TRAK1: variants seen among roughly 807,000 people sequenced by gnomAD.
The protein encoded by TRAK1 is trafficking kinesin protein 1.
A neutral mutation model predicts 92.1 loss-of-function variants in TRAK1; 33 were observed. That is an observed-to-expected ratio of 0.36 (90% CI 0.27 to 0.48). TRAK1 has a LOEUF of 0.48. Ranked by LOEUF, TRAK1 falls within the 20% of genes least tolerant of loss-of-function variation. The pLI is 0.99. For synonymous variants in TRAK1, 521 were observed against 517.3 expected (o/e 1.01, Z -0.10); for missense variants, 1,123 against 1,257.9 (o/e 0.89, Z 1.62).
At chr3:42,217,524 T>G (rs1709855678) in intron 14 of TRAK1, 7 of 985,420 alleles carry the variant, frequency 7.1e-6, no homozygotes, top group Non-Finnish European at 8.4e-6. Flanking sequence ...CACTCCCTAT[T>G]GCAATTGAAG....
chr3:42,070,358 G>T (rs1703883928), intron 1 of TRAK1, among the ~76,000 whole-genome samples: 1 of 150,912 alleles, frequency 6.6e-6, no homozygotes, highest in Admixed American at 6.6e-5. Flanking sequence ...TCTCATACTT[G>T]TTTTATTTTT....
chr3:42,071,434 G>A (rs532709182), intron 1 of TRAK1, among the ~76,000 whole-genome samples: 4 of 152,200 alleles, frequency 2.6e-5, no homozygotes, highest in East Asian at 1.9e-4. Context: ...TTGGTAGGGC[G>A]TGGTGGCTCA....
At chr3:42,039,277 T>A (rs1702447262) in intron 1 of TRAK1, among the ~76,000 whole-genome samples, 1 of 152,236 alleles carries the variant, frequency 6.6e-6, no homozygotes, top group Non-Finnish European at 1.5e-5. Context: ...TTCTGTTTAT[T>A]TCCAAATATT....
chr3:42,141,327 A>G (rs1698623775), intron 2 of TRAK1, among the ~76,000 whole-genome samples: 2 of 152,366 alleles, frequency 1.3e-5, no homozygotes, highest in South Asian at 2.1e-4. Flanking sequence ...ATGTAGTTCT[A>G]GTAATGACAG....
intron 2 of TRAK1, among the ~76,000 whole-genome samples, chr3:42,136,890 C>T (rs1698029061): frequency 6.6e-6 from 1 of 152,072 alleles, no homozygotes; most frequent in African/African-American, 2.4e-5. Flanking sequence ...ACCCTGTTGG[C>T]CAGGCTGGTC....
At chr3:42,199,905 G>A (rs1027608943) in intron 11 of TRAK1, among the ~76,000 whole-genome samples, 1 of 152,194 alleles carries the variant, frequency 6.6e-6, no homozygotes, top group African/African-American at 2.4e-5. Context: ...TCCTTTCAGT[G>A]GAAAACATTT....
At chr3:42,121,409 A>T (rs953762182) in intron 1 of TRAK1, among the ~76,000 whole-genome samples, 1 of 151,806 alleles carries the variant, frequency 6.6e-6, no homozygotes, top group Admixed American at 6.6e-5. Context: ...ACAGGCGCCC[A>T]CCACTGCGCC....
At chr3:42,029,312 C>T (rs1485030055) in intron 1 of TRAK1, among the ~76,000 whole-genome samples, 1 of 152,212 alleles carries the variant, frequency 6.6e-6, no homozygotes. Context: ...AGTCTCAGCT[C>T]ATGGGAGCAT....
intron 1 of TRAK1, among the ~76,000 whole-genome samples, chr3:42,040,809 G>T (rs2148901524): frequency 6.6e-6 from 1 of 152,150 alleles, no homozygotes; most frequent in East Asian, 1.9e-4. Context: ...CTCCTGGGTA[G>T]CTAGGACTAC....
At chr3:42,177,800 C>A (rs567408291) in intron 3 of TRAK1, among the ~76,000 whole-genome samples, 2 of 152,344 alleles carry the variant, frequency 1.3e-5, no homozygotes, top group African/African-American at 4.8e-5. Flanking sequence ...TCTACCGCTG[C>A]ACATCCAGCA....
chr3:42,193,353 G>T, intron 8 of TRAK1, 148 bp downstream of exon 8: 1 of 1,089,168 alleles, frequency 9.2e-7, no homozygotes, highest in Non-Finnish European at 1.3e-6. Flanking sequence ...GGACTCAGTA[G>T]TATAAAACTG....
intron 1 of TRAK1, among the ~76,000 whole-genome samples, chr3:42,022,985 T>C (rs778177282): frequency 4.0e-5 from 6 of 151,700 alleles, no homozygotes. Flanking sequence ...GGTGAAACCC[T>C]GTCTCCACTA....
At chr3:42,219,114 A>G (rs1710049259) in intron 14 of TRAK1, 17 of 985,416 alleles carry the variant, frequency 1.7e-5, no homozygotes, top group Non-Finnish European at 1.9e-5. Context: ...ATGCAAAGAA[A>G]TGTAAAGCAG....
At chr3:42,059,039 T>C (rs918339597) in intron 1 of TRAK1, among the ~76,000 whole-genome samples, 1 of 152,208 alleles carries the variant, frequency 6.6e-6, no homozygotes, top group Admixed American at 6.5e-5. Flanking sequence ...TGTATGTATA[T>C]GTATACACAC....
chr3:42,160,790 A>G (rs1484095008), intron 2 of TRAK1, among the ~76,000 whole-genome samples: 1 of 152,190 alleles, frequency 6.6e-6, no homozygotes, highest in Non-Finnish European at 1.5e-5. Flanking sequence ...AATGGAATCA[A>G]ACAGGGTGTA....
chr3:42,110,128 AT>A (rs1199409399), intron 1 of TRAK1, among the ~76,000 whole-genome samples: 18 of 127,594 alleles, frequency 1.4e-4, no homozygotes, highest in Non-Finnish European at 2.5e-4. Context: ...ATATATATAT[AT>A]ATAAACTTTG....
At chr3:42,070,999 G>A (rs1703909934) in intron 1 of TRAK1, among the ~76,000 whole-genome samples, 1 of 152,204 alleles carries the variant, frequency 6.6e-6, no homozygotes, top group Non-Finnish European at 1.5e-5. Flanking sequence ...TTCCCCATTG[G>A]TGACTTGAGG....
At position 42,223,080 on chromosome 3, in the gene TRAK1, C is replaced by G. The variant is rs1472679005; in HGVS notation, c.2205C>G (p.Ser735Arg). 1.2e-6 allele frequency: 2 copies of G among 1,614,032 alleles called. No homozygotes were observed. The highest frequency in any genetic ancestry group is 1.7e-5 in the Admixed American group (1 of 60,014). The change falls in exon 16 of 16, where the codon AGC becomes AGG. Residue 735 changes from serine to arginine, a missense_variant. This residue lies in a region of TRAK1 where 401 missense variants were observed against 438.9 expected (regional missense o/e 0.91). Transcript: ENST00000327628. The surrounding 1 kb of genome is among the most constrained non-coding windows in gnomAD (Gnocchi z 6.1). Reference sequence around the variant, plus strand: ...CCCGTGAGTCCACGACCACCATGAGCACATCCCTGGGGCTCGTGTGGCTGT... The same window carrying G: ...CCCGTGAGTCCACGACCACCATGAGGACATCCCTGGGGCTCGTGTGGCTGT... ...TNTRESTTTM[S>R]TSLGLVWLLK...
intron 1 of TRAK1, among the ~76,000 whole-genome samples, chr3:42,092,341 C>T (rs183149143): frequency 6.6e-6 from 1 of 152,304 alleles, no homozygotes; most frequent in Non-Finnish European, 1.5e-5. Context: ...GAGAAGTGAG[C>T]TCCTGTTCCA....
Sources: gnomAD v4.1 joint callset for allele counts (sites outside exome capture counted in the v4.1 genomes callset) on GRCh38, gnomAD v4.1.1 for gene constraint, gnomAD v4.1.1 regional missense constraint, Gnocchi (gnomAD v3.1) non-coding constraint, MANE v1.5 for transcripts, NCBI Gene and HGNC (gene_info 2026-07-23, HGNC 2026-07-21) for gene names.